Variants in FLOT1 observed in about 807,000 individuals in gnomAD.
FLOT1 encodes the protein flotillin-1.
Under a neutral mutation model 58.4 loss-of-function variants are expected in FLOT1, and 40 were observed. That is an observed-to-expected ratio of 0.69 (90% CI 0.53 to 0.89). The LOEUF (loss-of-function observed/expected upper bound fraction) is 0.89. Ranked by LOEUF, FLOT1 falls within the 40% of genes least tolerant of loss-of-function variation. The pLI, the probability that FLOT1 is intolerant of heterozygous loss-of-function variation, is 0.00. For synonymous variants in FLOT1, 178 were observed against 204.2 expected, an observed-to-expected ratio of 0.87 and a Z score of 1.09; for missense variants, 423 against 540.8, an observed-to-expected ratio of 0.78 and a Z score of 2.16.
rs192751539 is a variant in FLOT1, at chr6:30,739,481, G to A, written c.723+677C>T. Among the ~76,000 whole-genome samples the A allele has an allele frequency of 6.8e-3, 1,025 of 151,244 alleles. 11 individuals carry two copies. Among genetic ancestry groups the A allele is most frequent in the Admixed American group, 9.7e-3 (147 of 15,170 alleles). On this transcript the variant is annotated intron_variant, in intron 8 of 12. Coordinates refer to ENST00000376389, the MANE Select transcript of FLOT1 (RefSeq NM_005803.4). The stretch of plus-strand genomic sequence containing the variant: ...GTCTCCCGGGTTCAAGCAATTCTCC[G>A]GCCTCAGCCTCCCAAGTAGCTGGGA...
intron 12 of FLOT1, among the ~76,000 whole-genome samples, chr6:30,728,719 C>T (rs529865341): frequency 6.6e-6 from 1 of 152,122 alleles, no homozygotes; most frequent in South Asian, 2.1e-4. Context: ...ATCGTCCACC[C>T]TGGCCTCCCA....
chr6:30,732,812 CTG>C (rs1345398152), intron 8 of FLOT1, among the ~76,000 whole-genome samples: 1 of 152,138 alleles, frequency 6.6e-6, no homozygotes, highest in Admixed American at 6.6e-5. Flanking sequence ...GCACTCTGTA[CTG>C]TCTTTCACCC....
Position 30,740,199 on chromosome 6 carries a change from T to C in FLOT1, c.682A>G (p.Asn228Asp). The stretch of plus-strand genomic sequence containing the variant: ...AGGTCAGCCTGTGCTCGGCGGGTGT[T>C]GACCTCGATGTCATAGGCGGCCTTC... Reference protein sequence around the residue: ...LKKAAYDIEVNTRRAQADLAY... With the variant: ...LKKAAYDIEVDTRRAQADLAY... The change falls in exon 8 of 13, where the codon AAC becomes GAC. Residue 228 changes from asparagine to aspartate, a missense_variant. Asn to Asp is a conservative substitution (Grantham distance 23). Transcript: ENST00000376389. The C allele has an allele frequency of 6.2e-7, 1 of 1,613,058 alleles. No homozygotes were observed. Among genetic ancestry groups the C allele is most frequent in the Non-Finnish European group, 8.5e-7 (1 of 1,180,020 alleles).
At chr6:30,738,265 G>C (rs1777728521) in intron 8 of FLOT1, among the ~76,000 whole-genome samples, 1 of 152,208 alleles carries the variant, frequency 6.6e-6, no homozygotes, top group South Asian at 2.1e-4. Flanking sequence ...CTGCTGGGTA[G>C]AACACAGTTT....
chr6:30,742,176 C>T lies in FLOT1; in HGVS notation c.14G>A (p.Cys5Tyr), dbSNP rs1184673687. MFFT[C>Y]GPNEAMVVSG... ...GACCACCATGGCCTCATTTGGGCCA[C>T]AAGTGAAAAACATGGTTCAGGCTGG... The change falls in exon 2 of 13, where the codon TGT becomes TAT. Residue 5 changes from cysteine to tyrosine, a missense_variant. Around this residue, in one of 6 missense-constraint regions of FLOT1, gnomAD observed 91 missense variants for 118.3 expected, o/e 0.77. Transcript: ENST00000376389. This position sits in a 1 kb window ranked among gnomAD's most constrained non-coding sequence, Gnocchi z 5.2. The T allele has an allele frequency of 1.2e-6, 2 of 1,612,952 alleles. No individual in the cohort carries two copies. The highest frequency in any genetic ancestry group is 1.7e-6 in the Non-Finnish European group (2 of 1,180,002).
rs746969987 is a variant in FLOT1 at position 30,741,740 on chromosome 6, G to A, written c.120-36C>T. On this transcript the variant is annotated intron_variant, in intron 3 of 12. Coordinates refer to ENST00000376389, the MANE Select transcript of FLOT1 (RefSeq NM_005803.4). The surrounding 1 kb of genome is among the most constrained non-coding windows in gnomAD (Gnocchi z 5.9). ...AAGAAGGGACAGACAGTAAGAAGAG[G>A]AGGAAAAAGAGAAAACGGAGGTCCC... 4 of 1,609,334 alleles carry A rather than the reference G, an allele frequency of 2.5e-6. No individual in the cohort carries two copies. Among genetic ancestry groups the A allele is most frequent in the Admixed American group, 3.3e-5 (2 of 60,014 alleles).
intron 8 of FLOT1, among the ~76,000 whole-genome samples, chr6:30,733,710 A>G (rs890897060): frequency 6.9e-6 from 1 of 145,090 alleles, no homozygotes; most frequent in Non-Finnish European, 1.5e-5. Context: ...ATTGCACTCC[A>G]GCCTGGGTGA....
chr6:30,740,748 G>A lies in FLOT1; in HGVS notation c.405C>T (p.Ala135=), dbSNP rs779461045. 5 of 1,612,894 alleles carry A rather than the reference G, an allele frequency of 3.1e-6. No homozygotes were observed. In the South Asian group the frequency reaches 5.5e-5, roughly 18 times the overall value. Residue 135 remains alanine (A), a synonymous_variant, in exon 6 of 13, where the codon GCC becomes GCT. Transcript: ENST00000376389. ...TGCCCATGTTGACCAGGTCTGAGGAGGCCACTTTGAAAACCTGTTCTGAGA... is the reference window on the plus strand; with the variant it reads ...TGCCCATGTTGACCAGGTCTGAGGAAGCCACTTTGAAAACCTGTTCTGAGA... ...QKFSEQVFKV[A]SSDLVNMGIS...
chr6:30,740,493 C>T lies in FLOT1; in HGVS notation c.570+3G>A, dbSNP rs1315870708. 6.2e-7 allele frequency: 1 copy of T among 1,612,346 alleles called. No individual in the cohort carries two copies. The highest frequency in any genetic ancestry group is 8.5e-7 in the Non-Finnish European group (1 of 1,179,870). ...CCCACTAAGCAACCCCCATCTCTCTCACCCGGATCCCAGCATCTCTCTTGG... is the reference window on the plus strand; with the variant it reads ...CCCACTAAGCAACCCCCATCTCTCTTACCCGGATCCCAGCATCTCTCTTGG... On this transcript the variant is annotated splice_donor_region_variant and intron_variant, in intron 7 of 12. Coordinates refer to ENST00000376389, the MANE Select transcript of FLOT1 (RefSeq NM_005803.4).
Position 30,740,454 on chromosome 6 carries a change from C to T in FLOT1, c.570+42G>A, listed in dbSNP as rs17189399. ...CCCCTGCTTCTTCTCAGTTGTGCCACTTCTATCCCCTTTCCCACTAAGCAA... is the reference window on the plus strand; with the variant it reads ...CCCCTGCTTCTTCTCAGTTGTGCCATTTCTATCCCCTTTCCCACTAAGCAA... On this transcript the variant is annotated intron_variant, in intron 7 of 12. Coordinates refer to ENST00000376389, the MANE Select transcript of FLOT1 (RefSeq NM_005803.4). 8.7e-3 allele frequency: 13,911 copies of T among 1,600,204 alleles called. 419 individuals carry two copies. In the East Asian group the frequency reaches 0.1, roughly 12 times the overall value.
intron 8 of FLOT1, among the ~76,000 whole-genome samples, chr6:30,735,385 A>G (rs114826402): frequency 0.074 from 11,190 of 151,014 alleles, 676 homozygotes; most frequent in African/African-American, 0.16. Context: ...GCTGAGGTGG[A>G]TGGATCACTT....
intron 8 of FLOT1, among the ~76,000 whole-genome samples, chr6:30,738,728 G>A (rs1777755295): frequency 6.6e-6 from 1 of 152,126 alleles, no homozygotes; most frequent in Admixed American, 6.5e-5. Context: ...CTCCCATAAG[G>A]CACATCATAG....
At chr6:30,728,593 C>A (rs1473346662) in intron 12 of FLOT1, among the ~76,000 whole-genome samples, 2 of 151,862 alleles carry the variant, frequency 1.3e-5, no homozygotes, top group African/African-American at 4.8e-5. Flanking sequence ...CCTCAGCCTC[C>A]CGAGTAGCTG....
rs116542158 is a variant in FLOT1 at position 30,741,167 on chromosome 6, T to C, written c.354+23A>G. 5 of 1,612,086 alleles carry C rather than the reference T, an allele frequency of 3.1e-6. No homozygotes were observed. Among genetic ancestry groups the C allele is most frequent in the South Asian group, 1.1e-5 (1 of 91,066 alleles). ...CCCCTCATTTTGACATCCTTCCAGA[T>C]GGTTCCCTGCCCCTAGGCCAACCTC... On this transcript the variant is annotated intron_variant, in intron 5 of 12. Coordinates refer to ENST00000376389, the MANE Select transcript of FLOT1 (RefSeq NM_005803.4). The surrounding 1 kb of genome is among the most constrained non-coding windows in gnomAD (Gnocchi z 5.9).
In FLOT1 at chr6:30,740,709, G is replaced by A. The variant is rs780865327; in HGVS notation, c.444C>T (p.Ser148=). The change falls in exon 6 of 13, where the codon AGC becomes AGT. Residue 148 remains serine (S), a synonymous_variant. Coordinates refer to ENST00000376389, the MANE Select transcript of FLOT1 (RefSeq NM_005803.4). ...CATCGTGAATGTCCTTCAGAGTGTA[G>A]CTAACCACACTGATGCCCATGTTGA... ...DLVNMGISVV[S]YTLKDIHDDQ... is the part of the protein sequence containing the mutation. The A allele has an allele frequency of 2.5e-6, 4 of 1,613,020 alleles. No individual in the cohort carries two copies. Among genetic ancestry groups the A allele is most frequent in the Non-Finnish European group, 3.4e-6 (4 of 1,180,018 alleles).
intron 8 of FLOT1, among the ~76,000 whole-genome samples, chr6:30,739,228 C>A (rs376158121): frequency 1.3e-5 from 2 of 152,168 alleles, no homozygotes; most frequent in East Asian, 3.8e-4. Flanking sequence ...AGACCCATGT[C>A]AGAATGCACT....
chr6:30,731,207 G>A, intron 8 of FLOT1, 107 bp from the exon 9 acceptor site: 1 of 1,177,934 alleles, frequency 8.5e-7, no homozygotes, highest in Non-Finnish European at 1.2e-6. Flanking sequence ...GCCGGTGGCC[G>A]GGCGCGGTGG....
intron 10 of FLOT1, 27 bp downstream of exon 10, chr6:30,730,655 C>T (rs1777107421): frequency 3.1e-6 from 5 of 1,613,850 alleles, no homozygotes; most frequent in Non-Finnish European, 3.4e-6. Flanking sequence ...TCTCCACAAG[C>T]CAGCATGGAA....
At position 30,730,522 on chromosome 6, in the gene FLOT1, C is replaced by T. The variant is rs757846029; in HGVS notation, c.995G>A (p.Arg332Gln). The T allele has an allele frequency of 4.3e-6, 7 of 1,610,502 alleles. No individual in the cohort carries two copies. In the Admixed American group the frequency reaches 8.4e-5, roughly 19 times the overall value. The change falls in exon 11 of 13, where the codon CGA (arginine) becomes CAA (glutamine). Residue 332 changes from arginine to glutamine, a missense_variant. Coordinates refer to ENST00000376389, the MANE Select transcript of FLOT1 (RefSeq NM_005803.4). ...AEAFAIGARA[R>Q]AEAEQMAKKA... Reference sequence around the variant, plus strand: ...CTTGGCCATCTGCTCAGCCTCGGCTCGGGCTCGGGCCCCTATGGCAAAGGC... The same window carrying T: ...CTTGGCCATCTGCTCAGCCTCGGCTTGGGCTCGGGCCCCTATGGCAAAGGC...
Sources: allele counts gnomAD v4.1 joint callset (sites outside exome capture counted in the v4.1 genomes callset), GRCh38; gene constraint gnomAD v4.1.1; regional missense constraint gnomAD v4.1.1; non-coding constraint Gnocchi (gnomAD v3.1); transcripts MANE v1.5; gene names NCBI Gene and HGNC (gene_info 2026-07-23, HGNC 2026-07-21).